Variants in AGMO observed in about 807,000 individuals in gnomAD.
AGMO encodes the protein glyceryl-ether monooxygenase.
A neutral mutation model predicts 60.2 loss-of-function variants in AGMO; 75 were observed. The observed-to-expected ratio is 1.25, with a 90% CI of 1.03 to 1.51. The LOEUF (loss-of-function observed/expected upper bound fraction) is 1.51, where lower values mean the gene tolerates loss of function less well. Among genes scored for constraint, AGMO ranks in the 40% most tolerant of loss-of-function variants. AGMO has a pLI of 0.00. For missense variants in AGMO, 763 were observed against 525.5 expected (o/e 1.45, Z -4.42); for synonymous variants, 261 against 177.1 (o/e 1.47, Z -3.76).
At chr7:15,128,435 A>G in the AGMO span, among the ~76,000 whole-genome samples, 1 of 152,146 alleles carries the variant, frequency 6.6e-6, no homozygotes, top group Non-Finnish European at 1.5e-5. Context: ...GTAGTCACTT[A>G]TCAGTGCCTA....
intron 3 of AGMO, among the ~76,000 whole-genome samples, chr7:15,538,657 T>C (rs949933278): frequency 5.9e-5 from 9 of 152,194 alleles, no homozygotes; most frequent in African/African-American, 2.2e-4. Flanking sequence ...AAGTAATCTA[T>C]TCATCAGTGC....
At position 15,559,726 on chromosome 7, in the gene AGMO, T is replaced by TAG. The variant is rs1583691898; in HGVS notation, c.257+413_257+414dup. 2.0e-5 allele frequency among the ~76,000 whole-genome samples: 3 copies of TAG among 152,224 alleles called. No individual in the cohort carries two copies. The East Asian group carries it at 5.8e-4, about 29-fold the overall frequency. Reference sequence around the variant, plus strand: ...TGCTTGGCTGCAAACGGGGTTGTACTAGAGCCAGACACCAATTAGCAAACT... The same window carrying TAG: ...TGCTTGGCTGCAAACGGGGTTGTACTAGAGAGCCAGACACCAATTAGCAAACT... On this transcript the variant is annotated intron_variant, in intron 2 of 12. Coordinates refer to ENST00000342526, the MANE Select transcript of AGMO (RefSeq NM_001004320.2).
chr7:15,302,501 GAACA>G (rs1432305430), intron 12 of AGMO, among the ~76,000 whole-genome samples: 2 of 151,978 alleles, frequency 1.3e-5, no homozygotes, highest in East Asian at 1.9e-4. Flanking sequence ...AACTTAATAA[GAACA>G]AACTTCAAAA....
chr7:15,225,188 T>A (rs1782041125), intron 12 of AGMO, among the ~76,000 whole-genome samples: 1 of 151,976 alleles, frequency 6.6e-6, no homozygotes, highest in African/African-American at 2.4e-5. Flanking sequence ...GATTGCATAA[T>A]CTTCAAAAAT....
In AGMO at chr7:15,560,236, T is replaced by C. The variant is rs1156828223; in HGVS notation, c.162A>G (p.Glu54=). 6 of 1,612,602 alleles carry C rather than the reference T, an allele frequency of 3.7e-6. No individual in the cohort carries two copies. Among genetic ancestry groups the C allele is most frequent in the Non-Finnish European group, 5.1e-6 (6 of 1,179,108 alleles). ...CTTTGAGAATCCAGCTGACAACAAG[T>C]TCAAGCAGCATCAAAGAAATGAAAA... ...TPFFISLMLL[E]LVVSWILKGK... Residue 54 remains glutamate, a synonymous_variant, in exon 2 of 13, where the codon GAA becomes GAG. Coordinates refer to ENST00000342526, the MANE Select transcript of AGMO (RefSeq NM_001004320.2).
At chr7:15,332,576 G>C (rs1781532260) in intron 12 of AGMO, among the ~76,000 whole-genome samples, 1 of 152,000 alleles carries the variant, frequency 6.6e-6, no homozygotes, top group Non-Finnish European at 1.5e-5. Context: ...CTGACAACCT[G>C]ATTTTCCCAC....
chr7:15,425,555 C>A (rs535417064), intron 4 of AGMO, among the ~76,000 whole-genome samples: 1 of 152,056 alleles, frequency 6.6e-6, no homozygotes, highest in East Asian at 1.9e-4. Context: ...ACATCTCACT[C>A]AGCCTCCTGA....
At chr7:15,523,890 G>A (rs1008031159) in intron 3 of AGMO, among the ~76,000 whole-genome samples, 2 of 152,040 alleles carry the variant, frequency 1.3e-5, no homozygotes, top group African/African-American at 4.8e-5. Context: ...CTTACTAAAT[G>A]GTTAACTACA....
intron 3 of AGMO, among the ~76,000 whole-genome samples, chr7:15,509,362 A>T (rs1783611179): frequency 8.0e-6 from 1 of 124,814 alleles, no homozygotes; most frequent in Non-Finnish European, 1.7e-5. Flanking sequence ...AGAACTGTAG[A>T]CCCACATGCA....
intron 12 of AGMO, among the ~76,000 whole-genome samples, chr7:15,304,510 T>A (rs917409848): frequency 6.6e-6 from 1 of 152,116 alleles, no homozygotes; most frequent in Non-Finnish European, 1.5e-5. Flanking sequence ...TAGGGTTTGT[T>A]ACATCAGTTT....
chr7:15,304,879 GAAGA>G (rs1780564683), intron 12 of AGMO, among the ~76,000 whole-genome samples: 1 of 151,964 alleles, frequency 6.6e-6, no homozygotes, highest in African/African-American at 2.4e-5. Context: ...CAATGTTTAA[GAAGA>G]AAGTCAACTA....
chr7:15,482,254 G>A (rs1352053341), intron 3 of AGMO, among the ~76,000 whole-genome samples: 1 of 151,798 alleles, frequency 6.6e-6, no homozygotes, highest in African/African-American at 2.4e-5. Context: ...AAAAATCAGT[G>A]CACCACTAAC....
At chr7:15,432,821 C>T (rs1009543492) in intron 3 of AGMO, among the ~76,000 whole-genome samples, 1 of 151,848 alleles carries the variant, frequency 6.6e-6, no homozygotes, top group Non-Finnish European at 1.5e-5. Context: ...AACACAGAAC[C>T]AAATTATCTG....
chr7:15,135,698 T>G, the AGMO span, among the ~76,000 whole-genome samples: 1 of 151,944 alleles, frequency 6.6e-6, no homozygotes, highest in Non-Finnish European at 1.5e-5. Context: ...TGTTTTAATT[T>G]CTTCTGGTAT....
chr7:15,363,982 T>C (rs1026349880), intron 12 of AGMO, among the ~76,000 whole-genome samples: 1 of 152,080 alleles, frequency 6.6e-6, no homozygotes, highest in Non-Finnish European at 1.5e-5. Flanking sequence ...GTATAATTTA[T>C]GATTATTTTG....
intron 3 of AGMO, among the ~76,000 whole-genome samples, chr7:15,484,755 G>A (rs1782867170): frequency 6.6e-6 from 1 of 152,138 alleles, no homozygotes; most frequent in Admixed American, 6.6e-5. Flanking sequence ...GATAGAGATG[G>A]CAGGGGGTCA....
chr7:15,217,570 T>C (rs560352761), intron 12 of AGMO, among the ~76,000 whole-genome samples: 8 of 151,924 alleles, frequency 5.3e-5, no homozygotes, highest in East Asian at 1.9e-4. Context: ...TAAAAATAAA[T>C]AGCAGGTAAA....
At chr7:15,122,218 AC>A in the AGMO span, among the ~76,000 whole-genome samples, 1 of 152,138 alleles carries the variant, frequency 6.6e-6, no homozygotes. Context: ...CTAGAAAAAA[AC>A]AACCCCATCA....
At chr7:15,397,359 C>T (rs1301161547) in intron 5 of AGMO, among the ~76,000 whole-genome samples, 1 of 151,820 alleles carries the variant, frequency 6.6e-6, no homozygotes, top group Non-Finnish European at 1.5e-5. Context: ...GCGCCTCGCG[C>T]AGCCCCGGCT....
Sources: allele counts gnomAD v4.1 joint callset (sites outside exome capture counted in the v4.1 genomes callset), GRCh38; gene constraint gnomAD v4.1.1; transcripts MANE v1.5; gene names NCBI Gene and HGNC (gene_info 2026-07-23, HGNC 2026-07-21).